MTA3: variants seen among roughly 807,000 people sequenced by gnomAD.
MTA3 encodes the protein metastasis associated 1 family member 3.
In MTA3, 34 loss-of-function variants were observed where a neutral mutation model predicts 83.5. That is an observed-to-expected ratio of 0.41 (90% confidence interval 0.31 to 0.54). The LOEUF (loss-of-function observed/expected upper bound fraction) is 0.54, where lower values mean the gene tolerates loss of function less well. MTA3 is among the 20% of genes least tolerant of loss of function. MTA3 has a pLI of 0.33. For synonymous variants in MTA3, 303 were observed against 252.7 expected, an observed-to-expected ratio of 1.20 and a Z score of -1.89; for missense variants, 761 against 726.4, an observed-to-expected ratio of 1.05 and a Z score of -0.55.
intron 4 of MTA3, among the ~76,000 whole-genome samples, chr2:42,630,852 A>G (rs1039953878): frequency 8.5e-5 from 13 of 152,146 alleles, no homozygotes; most frequent in Non-Finnish European, 1.3e-4. Context: ...GTTCAGCTGA[A>G]AGGATTTGTA....
intron 2 of MTA3, among the ~76,000 whole-genome samples, chr2:42,577,105 A>AAAAAAAAAAAATATAT (rs1211189566): frequency 4.6e-5 from 4 of 86,916 alleles, no homozygotes; most frequent in Admixed American, 2.6e-4. Flanking sequence ...AAAAAAAAAA[A>AAAAAAAAAAAATATAT]ATATATATAT....
chr2:42,543,508 G>C (rs944095207), intron 2 of MTA3, among the ~76,000 whole-genome samples: 2 of 145,540 alleles, frequency 1.4e-5, no homozygotes, highest in African/African-American at 5.1e-5. Flanking sequence ...TGTTTGAGAC[G>C]GGGTCTCACT....
intron 10 of MTA3, among the ~76,000 whole-genome samples, chr2:42,696,826 A>G (rs1693428105): frequency 6.6e-6 from 1 of 152,214 alleles, no homozygotes; most frequent in Non-Finnish European, 1.5e-5. Context: ...GCTTGTTGAA[A>G]AATTTCCAGT....
chr2:42,686,854 C>A (rs1211962657), intron 9 of MTA3, among the ~76,000 whole-genome samples: 3 of 149,352 alleles, frequency 2.0e-5, no homozygotes. Flanking sequence ...CATTGTGGCT[C>A]ACACTTGTAA....
chr2:42,746,475 A>G (rs1422502574), intron 16 of MTA3, among the ~76,000 whole-genome samples: 1 of 152,194 alleles, frequency 6.6e-6, no homozygotes, highest in African/African-American at 2.4e-5. Flanking sequence ...TAAGCTGAGT[A>G]TCCTCCAATT....
chr2:42,723,092 C>T, intron 16 of MTA3, 57 bp downstream of exon 16: 1 of 1,511,316 alleles, frequency 6.6e-7, no homozygotes. Flanking sequence ...CACACTCAGG[C>T]ATGTGTCTGC....
At chr2:42,671,678 T>C (rs1335341403) in intron 8 of MTA3, among the ~76,000 whole-genome samples, 1 of 152,228 alleles carries the variant, frequency 6.6e-6, no homozygotes, top group African/African-American at 2.4e-5. Context: ...CCTTATAATT[T>C]TTAATTTAAC....
chr2:42,688,881 A>C (rs1458574142), intron 9 of MTA3, among the ~76,000 whole-genome samples: 1 of 152,178 alleles, frequency 6.6e-6, no homozygotes, highest in Non-Finnish European at 1.5e-5. Context: ...AGAAGTGATA[A>C]GAGCAACATC....
intron 2 of MTA3, among the ~76,000 whole-genome samples, chr2:42,530,898 C>T (rs1675934256): frequency 1.3e-5 from 2 of 152,022 alleles, no homozygotes; most frequent in Admixed American, 1.3e-4. Context: ...GGCGCAATCT[C>T]AGCTCACTAC....
chr2:42,746,248 C>T (rs78585299), intron 16 of MTA3, among the ~76,000 whole-genome samples: 1,545 of 152,212 alleles, frequency 0.01, 23 homozygotes, highest in African/African-American at 0.036. Context: ...TTTTATTAAA[C>T]TTGAAATAGA....
intron 2 of MTA3, among the ~76,000 whole-genome samples, chr2:42,552,092 A>AT (rs1677137173): frequency 1.3e-5 from 2 of 152,032 alleles, no homozygotes; most frequent in Non-Finnish European, 2.9e-5. Flanking sequence ...TCCTGGGCTC[A>AT]AGCAGTCCTC....
At position 42,755,784 on chromosome 2, in the gene MTA3, C is replaced by G. The variant is rs1203021855; in HGVS notation, c.*2385C>G. ...TGGCATGTCACTGTGGTTCAGTGAGCACATGGGTGGACGTGCAGAGACTGT... is the reference window on the plus strand; with the variant it reads ...TGGCATGTCACTGTGGTTCAGTGAGGACATGGGTGGACGTGCAGAGACTGT... On this transcript the variant is annotated 3_prime_UTR_variant, in exon 17 of 17. Transcript: ENST00000405094. 1 of 985,516 alleles carries G rather than the reference C, an allele frequency of 1.0e-6. No individual in the cohort carries two copies. Among genetic ancestry groups the G allele is most frequent in the East Asian group, 1.1e-4 (1 of 8,816 alleles). 61.0% of individuals were successfully genotyped at this position (985,516 alleles called of 1,614,324 possible).
chr2:42,541,936 A>G (rs537196233), intron 2 of MTA3, among the ~76,000 whole-genome samples: 4 of 152,272 alleles, frequency 2.6e-5, no homozygotes, highest in African/African-American at 9.6e-5. Flanking sequence ...GGCCAGGAAT[A>G]CTGAACCCAT....
chr2:42,730,942 T>A (rs778251225), intron 16 of MTA3, among the ~76,000 whole-genome samples: 93 of 152,272 alleles, frequency 6.1e-4, no homozygotes, highest in Non-Finnish European at 1.1e-3. Context: ...TGGTAGGTTG[T>A]ATGTGTCTAG....
At chr2:42,502,653 C>T (rs2888837) in intron 2 of MTA3, among the ~76,000 whole-genome samples, 227 of 151,988 alleles carry the variant, frequency 1.5e-3, no homozygotes, top group African/African-American at 5.1e-3. Context: ...ACAAAATTAG[C>T]CGGTGTAGTG....
At chr2:42,643,045 C>T (rs376328638) in intron 5 of MTA3, among the ~76,000 whole-genome samples, 18 of 107,134 alleles carry the variant, frequency 1.7e-4, no homozygotes, top group Admixed American at 9.7e-4. Context: ...CCCCCCCCCC[C>T]CTTTTTTTTT....
chr2:42,511,285 T>TC (rs1277621378), intron 2 of MTA3, among the ~76,000 whole-genome samples: 1 of 152,092 alleles, frequency 6.6e-6, no homozygotes, highest in African/African-American at 2.4e-5. Context: ...ACTTTTTTTT[T>TC]CTCTGGTTCT....
At chr2:42,675,010 G>A (rs1691207331) in intron 8 of MTA3, among the ~76,000 whole-genome samples, 1 of 151,822 alleles carries the variant, frequency 6.6e-6, no homozygotes, top group Non-Finnish European at 1.5e-5. Flanking sequence ...TGCTGAGGCT[G>A]GTCTCGAACT....
intron 6 of MTA3, among the ~76,000 whole-genome samples, chr2:42,648,311 C>G (rs530250642): frequency 2.6e-5 from 4 of 152,324 alleles, no homozygotes; most frequent in African/African-American, 9.6e-5. Flanking sequence ...ATATCATATT[C>G]AAGAACAGAT....
Sources: allele counts gnomAD v4.1 joint callset (sites outside exome capture counted in the v4.1 genomes callset), GRCh38; gene constraint gnomAD v4.1.1; transcripts MANE v1.5; gene names NCBI Gene and HGNC (gene_info 2026-07-23, HGNC 2026-07-21).